The following ZFHX3 variants were observed in gnomAD, a reference collection of about 807,000 sequenced individuals.
ZFHX3 encodes zinc finger homeobox protein 3.
Under a neutral mutation model 279.1 loss-of-function variants are expected in ZFHX3, and 42 were observed. The observed-to-expected ratio is 0.15, with a 90% confidence interval of 0.12 to 0.19. The LOEUF (loss-of-function observed/expected upper bound fraction) is 0.19. Ranked by LOEUF, ZFHX3 falls within the 10% of genes least tolerant of loss-of-function variation. The pLI is 1.00. For synonymous variants in ZFHX3, 2,293 were observed against 1,957.8 expected, an observed-to-expected ratio of 1.17 and a Z score of -4.52; for missense variants, 4,981 against 4,754.0, an observed-to-expected ratio of 1.05 and a Z score of -1.40.
rs1032287769 is a variant in ZFHX3 at position 72,786,995 on chromosome 16, T to C, written c.*169A>G. ...AGACAAGAATGTAAAATCACCGGCA[T>C]AGATAGGTATATGGGAAAACAACCC... is the stretch of plus-strand genomic sequence containing the variant. On this transcript the variant is annotated 3_prime_UTR_variant, in exon 10 of 10. Coordinates refer to ENST00000268489, the MANE Select transcript of ZFHX3 (RefSeq NM_006885.4). 1.5e-5 allele frequency: 8 copies of C among 532,916 alleles called. No homozygotes were observed. In the African/African-American group the frequency reaches 1.6e-4, roughly 11 times the overall value. 33.0% of individuals were successfully genotyped at this position (532,916 alleles called of 1,614,324 possible).
intron 1 of ZFHX3, among the ~76,000 whole-genome samples, chr16:73,056,608 G>A (rs1965562112): frequency 1.3e-5 from 2 of 152,150 alleles, no homozygotes; most frequent in African/African-American, 4.8e-5. Flanking sequence ...ACTATGGAGT[G>A]GACTTCCCTA....
intron 1 of ZFHX3, among the ~76,000 whole-genome samples, chr16:73,749,809 T>G (rs2053743550): frequency 6.6e-6 from 1 of 152,192 alleles, no homozygotes. Context: ...TTAGAAGATG[T>G]CAAAGCTCCC....
At chr16:72,995,931 A>G (rs1963267090) in intron 1 of ZFHX3, among the ~76,000 whole-genome samples, 2 of 152,352 alleles carry the variant, frequency 1.3e-5, no homozygotes, top group East Asian at 1.9e-4. Context: ...TGTTCTGCTC[A>G]GGAGGCACTG....
chr16:73,830,731 A>G (rs903087988), intron 1 of ZFHX3, among the ~76,000 whole-genome samples: 1 of 152,256 alleles, frequency 6.6e-6, no homozygotes, highest in African/African-American at 2.4e-5. Flanking sequence ...GCAGTATATG[A>G]AAAATAAATG....
chr16:73,074,089 T>C (rs1326599481), intron 8 of ZFHX3, among the ~76,000 whole-genome samples: 2 of 152,190 alleles, frequency 1.3e-5, no homozygotes, highest in Non-Finnish European at 2.9e-5. Flanking sequence ...GGTGGAAAGA[T>C]ATAAGAGAGG....
chr16:73,196,960 A>G (rs1172208567), intron 5 of ZFHX3, among the ~76,000 whole-genome samples: 1 of 152,138 alleles, frequency 6.6e-6, no homozygotes, highest in Admixed American at 6.5e-5. Context: ...GGTGACCCCT[A>G]GTGTTTCCTG....
intron 2 of ZFHX3, among the ~76,000 whole-genome samples, chr16:72,954,695 AGGTTTG>A (rs1331027542): frequency 6.6e-6 from 1 of 152,176 alleles, no homozygotes; most frequent in Non-Finnish European, 1.5e-5. Context: ...GTCGAAAGGA[AGGTTTG>A]GGAGGATGTT....
chr16:73,674,942 A>T (rs2052939481), intron 2 of ZFHX3, among the ~76,000 whole-genome samples: 1 of 152,142 alleles, frequency 6.6e-6, no homozygotes, highest in African/African-American at 2.4e-5. Flanking sequence ...GGCCTACAGC[A>T]CCATGCATGT....
At chr16:73,413,445 T>C (rs2017509523) in intron 3 of ZFHX3, among the ~76,000 whole-genome samples, 1 of 152,136 alleles carries the variant, frequency 6.6e-6, no homozygotes, top group South Asian at 2.1e-4. Flanking sequence ...TGCCATGTAA[T>C]TGACCCCAAG....
At chr16:73,415,108 G>A (rs1043423245) in intron 3 of ZFHX3, among the ~76,000 whole-genome samples, 1 of 151,974 alleles carries the variant, frequency 6.6e-6, no homozygotes, top group African/African-American at 2.4e-5. Context: ...AGTTCCAAAT[G>A]TTTCTCTCTC....
intron 3 of ZFHX3, among the ~76,000 whole-genome samples, chr16:73,448,433 A>G (rs371402081): frequency 6.6e-6 from 1 of 152,198 alleles, no homozygotes; most frequent in African/African-American, 2.4e-5. Flanking sequence ...CTGCGGACTA[A>G]AATGTCATTA....
At position 72,959,826 on chromosome 16, in the gene ZFHX3, G is replaced by A. The variant is rs145239736; in HGVS notation, c.320C>T (p.Pro107Leu). The A allele has an allele frequency of 1.4e-3, 2,179 of 1,594,126 alleles. 47 individuals are homozygous for A. The Admixed American group carries it at 0.035, about 26-fold the overall frequency. Residue 107 changes from proline to leucine, a missense_variant, in exon 2 of 10, where the codon CCC becomes CTC. This residue lies in a region of ZFHX3 where 1,068 missense variants were observed against 935.2 expected (regional missense o/e 1.14). Transcript: ENST00000268489. Reference sequence around the variant, plus strand: ...GTCGCTGGCGCTCTCCTCTCTCAGGGGTGGCGGGGGGCGCGCGCTGGGGCA... The same window carrying A: ...GTCGCTGGCGCTCTCCTCTCTCAGGAGTGGCGGGGGGCGCGCGCTGGGGCA... ...HHCPSARPPP[P>L]LREESASDTG...
chr16:73,407,656 A>T (rs2017388067), intron 3 of ZFHX3, among the ~76,000 whole-genome samples: 1 of 152,178 alleles, frequency 6.6e-6, no homozygotes, highest in Non-Finnish European at 1.5e-5. Context: ...CACTGAACAC[A>T]CACACTCGCT....
chr16:73,330,607 G>A (rs545854711), intron 3 of ZFHX3, among the ~76,000 whole-genome samples: 1 of 152,164 alleles, frequency 6.6e-6, no homozygotes, highest in Non-Finnish European at 1.5e-5. Flanking sequence ...GTGGGCTTGA[G>A]CAAGAAAAAG....
intron 1 of ZFHX3, among the ~76,000 whole-genome samples, chr16:73,845,778 T>C (rs1243813965): frequency 1.3e-5 from 2 of 152,198 alleles, no homozygotes; most frequent in Non-Finnish European, 2.9e-5. Flanking sequence ...TCACTCAGGA[T>C]CTGCTCAACT....
intron 2 of ZFHX3, among the ~76,000 whole-genome samples, chr16:73,620,538 G>A (rs563145028): frequency 1.4e-4 from 22 of 152,240 alleles, no homozygotes; most frequent in African/African-American, 4.8e-4. Context: ...TTGAATAAAT[G>A]TGAACCCACA....
intron 3 of ZFHX3, among the ~76,000 whole-genome samples, chr16:72,933,809 C>CTTTTTTTT (rs1408711216): frequency 3.5e-5 from 4 of 114,630 alleles, no homozygotes; most frequent in African/African-American, 1.2e-4. Flanking sequence ...TAGCTCACAA[C>CTTTTTTTT]TTTCTTTTTT....
intron 1 of ZFHX3, among the ~76,000 whole-genome samples, chr16:73,869,373 T>G (rs1037168701): frequency 6.6e-5 from 10 of 152,180 alleles, no homozygotes; most frequent in African/African-American, 2.2e-4. Flanking sequence ...CTAAAACTTA[T>G]CAGCTGAGAA....
intron 1 of ZFHX3, among the ~76,000 whole-genome samples, chr16:73,795,986 T>G (rs1373396943): frequency 6.6e-6 from 1 of 152,182 alleles, no homozygotes; most frequent in African/African-American, 2.4e-5. Flanking sequence ...AGCCCTGAAT[T>G]TGGTAAATAG....
Sources: gnomAD v4.1 joint callset for allele counts (sites outside exome capture counted in the v4.1 genomes callset) on GRCh38, gnomAD v4.1.1 for gene constraint, gnomAD v4.1.1 regional missense constraint, MANE v1.5 for transcripts, NCBI Gene and HGNC (gene_info 2026-07-23, HGNC 2026-07-21) for gene names.